SLC39A11: variants seen among roughly 807,000 people sequenced by gnomAD.
The protein encoded by SLC39A11 is zinc transporter ZIP11.
Under a neutral mutation model 36.1 loss-of-function variants are expected in SLC39A11, and 33 were observed. That is an observed-to-expected ratio of 0.91 (90% CI 0.69 to 1.22). The LOEUF (loss-of-function observed/expected upper bound fraction) is 1.22. Ranked by LOEUF, SLC39A11 falls within the 50% of genes most tolerant of loss-of-function variation. SLC39A11 has a pLI of 0.00. For synonymous variants in SLC39A11, 166 were observed against 170.3 expected (o/e 0.97, Z 0.20); for missense variants, 432 against 430.3 (o/e 1.00, Z -0.03).
At chr17:72,754,037 T>C (rs1175307069) in intron 6 of SLC39A11, among the ~76,000 whole-genome samples, 243 of 119,586 alleles carry the variant, frequency 2.0e-3, no homozygotes, top group African/African-American at 7.5e-3. Context: ...TATATATATA[T>C]ATATATATAC....
rs529105711 is a variant in SLC39A11 at position 72,718,019 on chromosome 17, G to A, written c.671+18631C>T. ...CTTACCAAAGTAACACTCATCTGGA[G>A]CAACACTCAAAACCATCTTTAACAG... On this transcript the variant is annotated intron_variant, in intron 7 of 9. Coordinates refer to ENST00000255559, the MANE Select transcript of SLC39A11 (RefSeq NM_139177.4). Among the ~76,000 whole-genome samples, 8 of 152,328 alleles carry A rather than the reference G, an allele frequency of 5.3e-5. No homozygotes were observed. In the South Asian group the frequency reaches 1.7e-3, roughly 32 times the overall value.
chr17:72,691,111 G>T (rs979795586), intron 7 of SLC39A11, among the ~76,000 whole-genome samples: 3 of 152,136 alleles, frequency 2.0e-5, no homozygotes, highest in African/African-American at 7.2e-5. Flanking sequence ...TAGGGGTGGG[G>T]GACCTCCTGG....
chr17:72,978,107 G>A (rs1190970479), intron 4 of SLC39A11, among the ~76,000 whole-genome samples: 2 of 152,246 alleles, frequency 1.3e-5, no homozygotes, highest in African/African-American at 4.8e-5. Context: ...GGAAGTACGG[G>A]GAGGTTCTAG....
chr17:72,649,179 C>T lies in SLC39A11; in HGVS notation c.761G>A (p.Arg254Lys). ...CTTGGGCAGCACTCACCAGAAAGCT[C>T]TCCAGGTGGAGAAGCCTGCCCCTCG... ...PLRGAGFSTWRAFWYGQLSGM... is the reference protein window; with the variant it reads ...PLRGAGFSTWKAFWYGQLSGM... The change falls in exon 8 of 10, where the codon AGA (arginine) becomes AAA (lysine). Residue 254 changes from arginine to lysine, a missense_variant. By Grantham distance (26) the Arg-to-Lys change is conservative. Coordinates refer to ENST00000255559, the MANE Select transcript of SLC39A11 (RefSeq NM_139177.4). The T allele has an allele frequency of 6.2e-7, 1 of 1,613,742 alleles. No homozygotes were observed. Among genetic ancestry groups the T allele is most frequent in the Non-Finnish European group, 8.5e-7 (1 of 1,179,818 alleles).
intron 7 of SLC39A11, among the ~76,000 whole-genome samples, chr17:72,718,933 C>G (rs944622544): frequency 6.6e-6 from 1 of 152,012 alleles, no homozygotes; most frequent in African/African-American, 2.4e-5. Flanking sequence ...CCTGGCTAGA[C>G]AGAAGTAAGT....
chr17:73,007,070 G>A (rs1057329987), intron 4 of SLC39A11, among the ~76,000 whole-genome samples: 3 of 152,210 alleles, frequency 2.0e-5, no homozygotes, highest in Non-Finnish European at 4.4e-5. Flanking sequence ...TCAGCGACAT[G>A]GGCAGCTAAG....
chr17:72,965,543 C>T (rs1252514659), intron 4 of SLC39A11, among the ~76,000 whole-genome samples: 2 of 152,280 alleles, frequency 1.3e-5, no homozygotes, highest in East Asian at 3.9e-4. Context: ...TGATTTTGCC[C>T]AACTGCAGGC....
intron 6 of SLC39A11, among the ~76,000 whole-genome samples, chr17:72,760,258 C>T (rs2075525896): frequency 6.6e-6 from 1 of 152,212 alleles, no homozygotes; most frequent in African/African-American, 2.4e-5. Flanking sequence ...GAACTCCTGG[C>T]TTCAGGCAAT....
rs528134230 is a variant in SLC39A11, at chr17:72,897,252, G to A, written c.431-47448C>T. Reference sequence around the variant, plus strand: ...GACAGACAGTGACCTGCTGGACATCGGAGGTGGGAAAAGGAAGCCATCTGC... The same window carrying A: ...GACAGACAGTGACCTGCTGGACATCAGAGGTGGGAAAAGGAAGCCATCTGC... On this transcript the variant is annotated intron_variant, in intron 5 of 9. Coordinates refer to ENST00000255559, the MANE Select transcript of SLC39A11 (RefSeq NM_139177.4). 3.9e-5 allele frequency among the ~76,000 whole-genome samples: 6 copies of A among 152,176 alleles called. No individual in the cohort carries two copies. In the East Asian group the frequency reaches 9.7e-4, roughly 25 times the overall value.
chr17:72,924,175 T>C (rs1440904325), intron 5 of SLC39A11, among the ~76,000 whole-genome samples: 1 of 150,834 alleles, frequency 6.6e-6, no homozygotes, highest in Non-Finnish European at 1.5e-5. Context: ...TTTTTTTTTT[T>C]TTTAAGGAAA....
intron 7 of SLC39A11, among the ~76,000 whole-genome samples, chr17:72,702,939 C>CAA (rs57566412): frequency 1.1e-3 from 97 of 86,804 alleles, no homozygotes; most frequent in African/African-American, 3.3e-3. Flanking sequence ...TCCATCTCAC[C>CAA]AAAAAAAAAA....
intron 3 of SLC39A11, among the ~76,000 whole-genome samples, chr17:73,081,968 G>A (rs1161396992): frequency 6.6e-6 from 1 of 151,142 alleles, no homozygotes; most frequent in Non-Finnish European, 1.5e-5. Context: ...GAAAGGGTAG[G>A]GGGGCTAGGG....
chr17:72,867,758 G>GCACA (rs751913544), intron 5 of SLC39A11, among the ~76,000 whole-genome samples: 6 of 137,228 alleles, frequency 4.4e-5, no homozygotes, highest in African/African-American at 1.5e-4. Context: ...TGAAGTGCGC[G>GCACA]CGCACACACA....
chr17:73,075,605 C>A (rs2060294011), intron 3 of SLC39A11, among the ~76,000 whole-genome samples: 2 of 152,164 alleles, frequency 1.3e-5, no homozygotes, highest in Non-Finnish European at 2.9e-5. Context: ...ATAATCTCAG[C>A]ACTTTGGGAG....
At chr17:72,950,980 G>A (rs2085818504) in intron 4 of SLC39A11, among the ~76,000 whole-genome samples, 1 of 151,988 alleles carries the variant, frequency 6.6e-6, no homozygotes, top group African/African-American at 2.4e-5. Flanking sequence ...AATGAGCCAG[G>A]GCCAGGCACA....
At chr17:72,668,720 C>G (rs1360871632) in intron 7 of SLC39A11, among the ~76,000 whole-genome samples, 1 of 152,220 alleles carries the variant, frequency 6.6e-6, no homozygotes, top group African/African-American at 2.4e-5. Context: ...TTGGTCCCCA[C>G]CTGGAGAGCC....
chr17:73,025,321 G>A (rs1388692972), intron 4 of SLC39A11, among the ~76,000 whole-genome samples: 2 of 152,162 alleles, frequency 1.3e-5, no homozygotes, highest in African/African-American at 4.8e-5. Context: ...GAGAGGAGGG[G>A]GAGGGGAGCA....
At chr17:72,973,027 G>C (rs1370442852) in intron 4 of SLC39A11, among the ~76,000 whole-genome samples, 1 of 151,686 alleles carries the variant, frequency 6.6e-6, no homozygotes, top group Non-Finnish European at 1.5e-5. Context: ...ACAGGCTTCA[G>C]CTGAGCCCTT....
At chr17:72,702,909 C>A (rs2072715394) in intron 7 of SLC39A11, among the ~76,000 whole-genome samples, 1 of 124,294 alleles carries the variant, frequency 8.0e-6, no homozygotes, top group Non-Finnish European at 1.6e-5. Context: ...TGCACTCCAG[C>A]CTGGGTGACA....
Sources: gnomAD v4.1 joint callset for allele counts (sites outside exome capture counted in the v4.1 genomes callset) on GRCh38, gnomAD v4.1.1 for gene constraint, MANE v1.5 for transcripts, NCBI Gene and HGNC (gene_info 2026-07-23, HGNC 2026-07-21) for gene names.